BLM: variants seen among roughly 807,000 people sequenced by gnomAD.
The protein encoded by BLM is BLM RecQ like helicase.
Under a neutral mutation model 135.3 loss-of-function variants are expected in BLM, and 95 were observed. That is an observed-to-expected ratio of 0.70 (90% CI 0.59 to 0.83). The LOEUF (loss-of-function observed/expected upper bound fraction) is 0.83. Among genes scored for constraint, BLM ranks in the 40% least tolerant of loss-of-function variants. BLM has a pLI of 0.00. For synonymous variants in BLM, 520 were observed against 589.2 expected, an observed-to-expected ratio of 0.88 and a Z score of 1.70; for missense variants, 1,518 against 1,663.9, an observed-to-expected ratio of 0.91 and a Z score of 1.53.
intron 1 of BLM, among the ~76,000 whole-genome samples, chr15:90,738,493 G>A (rs969727181): frequency 1.6e-4 from 24 of 152,186 alleles, no homozygotes; most frequent in African/African-American, 4.8e-4. Flanking sequence ...AGGACCACTT[G>A]AGCCCGGGAG....
chr15:90,763,311 TA>T (rs1385958611), intron 8 of BLM, among the ~76,000 whole-genome samples, 154 bp downstream of exon 8: 7 of 152,234 alleles, frequency 4.6e-5, no homozygotes, highest in African/African-American at 1.4e-4. Flanking sequence ...TATTACTTTA[TA>T]TCCTTTGTTC....
chr15:90,748,403 C>T (rs534774644), intron 2 of BLM, among the ~76,000 whole-genome samples: 113 of 152,198 alleles, frequency 7.4e-4, no homozygotes, highest in African/African-American at 2.6e-3. Flanking sequence ...CCACCACGCC[C>T]GGCCAATTAT....
At chr15:90,783,594 A>G (rs747484637) in intron 13 of BLM, among the ~76,000 whole-genome samples, 7 of 152,170 alleles carry the variant, frequency 4.6e-5, no homozygotes, top group Non-Finnish European at 8.8e-5. Context: ...AATATAATAT[A>G]TGCTCATTAA....
rs2151198446 is a variant in BLM, at chr15:90,809,274, ATG to A, written c.3874+21_3874+22del. ...GACATCGCCAGGTTAGTACACAGCC[ATG>A]TGTGTTCTCTAAAAGCCTGTTTAAT... On this transcript the variant is annotated intron_variant, in intron 20 of 21. Transcript: ENST00000355112. 1 of 1,614,112 alleles carries A rather than the reference ATG, an allele frequency of 6.2e-7. No individual in the cohort carries two copies. Among genetic ancestry groups the A allele is most frequent in the Non-Finnish European group, 8.5e-7 (1 of 1,179,980 alleles).
At chr15:90,755,388 T>C (rs527897625) in intron 5 of BLM, 54 of 182,330 alleles carry the variant, frequency 3.0e-4, no homozygotes, top group Middle Eastern at 2.8e-3. Flanking sequence ...TTCTTGACCT[T>C]TCATCCTCCG....
In BLM at chr15:90,760,140, T is replaced by G; in HGVS notation, c.1088-7T>G. 1 of 1,610,288 alleles carries G rather than the reference T, an allele frequency of 6.2e-7. No individual in the cohort carries two copies. The highest frequency in any genetic ancestry group is 8.5e-7 in the Non-Finnish European group (1 of 1,176,752). ...AGAAAAATATTAACAACATAATTAT[T>G]TTATAGCTAGACAGATAAGTTTACA... On this transcript the variant is annotated splice_region_variant and splice_polypyrimidine_tract_variant and intron_variant, in intron 5 of 21. Transcript: ENST00000355112.
intron 9 of BLM, among the ~76,000 whole-genome samples, chr15:90,766,666 G>T: frequency 6.6e-6 from 1 of 152,048 alleles, no homozygotes; most frequent in East Asian, 1.9e-4. Context: ...GACCCCAAGT[G>T]ATCCACCTGC....
chr15:90,729,550 T>C (rs1283768253), intron 1 of BLM, among the ~76,000 whole-genome samples: 1 of 152,318 alleles, frequency 6.6e-6, no homozygotes, highest in East Asian at 1.9e-4. Context: ...CAACTTTGAG[T>C]CCTCCTGAAG....
rs35083164 is a variant in BLM, at chr15:90,792,083, CTT to C, written c.3019+1248_3019+1249del. Among the ~76,000 whole-genome samples the C allele has an allele frequency of 4.6e-4, 66 of 143,324 alleles. No homozygotes were observed. In the South Asian group the frequency reaches 0.013, roughly 28 times the overall value. The allele number at this position is 143,324 out of a possible 152,430, so 94.0% of individuals were successfully genotyped here. A position where few individuals can be genotyped will look rare whatever the true frequency, so the allele number is the denominator to read the frequency against. Reference sequence around the variant, plus strand: ...AATATATGTATTTCTTCTGAGACCACTTTTTTTTTTCTTTTTTTTTTTTTTGA... The same window carrying C: ...AATATATGTATTTCTTCTGAGACCACTTTTTTTTCTTTTTTTTTTTTTTGA... On this transcript the variant is annotated intron_variant, in intron 15 of 21. Coordinates refer to ENST00000355112, the MANE Select transcript of BLM (RefSeq NM_000057.4).
intron 6 of BLM, 68 bp downstream of exon 6, chr15:90,760,347 C>G: frequency 6.3e-7 from 1 of 1,595,900 alleles, no homozygotes; most frequent in Non-Finnish European, 8.6e-7. Flanking sequence ...GAAAAATGGA[C>G]AGGGCAAAAT....
chr15:90,795,812 C>T (rs978571147), intron 16 of BLM, among the ~76,000 whole-genome samples: 8 of 152,204 alleles, frequency 5.3e-5, no homozygotes, highest in Non-Finnish European at 1.0e-4. Context: ...GTGAATGGCA[C>T]AGCAGAGTAA....
At chr15:90,780,091 T>TC (rs1367900871) in intron 12 of BLM, among the ~76,000 whole-genome samples, 1 of 151,424 alleles carries the variant, frequency 6.6e-6, no homozygotes, top group East Asian at 1.9e-4. Context: ...CTTTTTTTTT[T>TC]TTTTTTTCTT....
At chr15:90,759,956 C>T (rs1476122720) in intron 5 of BLM, 191 bp from the exon 6 acceptor site, 2 of 305,506 alleles carry the variant, frequency 6.5e-6, no homozygotes, top group African/African-American at 2.5e-5. Flanking sequence ...GATCTTAAGA[C>T]TTTTTTTTTT....
intron 12 of BLM, among the ~76,000 whole-genome samples, chr15:90,776,523 G>T (rs1298138992): frequency 6.6e-6 from 1 of 151,878 alleles, no homozygotes; most frequent in Non-Finnish European, 1.5e-5. Context: ...TAACTTTTTT[G>T]TTGTTGTTTT....
intron 1 of BLM, among the ~76,000 whole-genome samples, chr15:90,746,203 T>C (rs543646801): frequency 6.6e-6 from 1 of 152,330 alleles, no homozygotes; most frequent in South Asian, 2.1e-4. Context: ...AGGGTGTATG[T>C]ATAGCTGAAA....
Position 90,784,959 on chromosome 15 carries a change from T to A in BLM, c.2701T>A (p.Cys901Ser). The A allele has an allele frequency of 6.2e-7, 1 of 1,614,198 alleles. No homozygotes were observed. The highest frequency in any genetic ancestry group is 8.5e-7 in the Non-Finnish European group (1 of 1,180,030). Reference protein sequence around the residue: ...GIIYCLSRRECDTMADTLQRD... With the variant: ...GIIYCLSRRESDTMADTLQRD... Reference sequence around the variant, plus strand: ...AATTTACTGCCTCTCCAGGCGAGAATGTGACACCATGGCTGACACGTTACA... The same window carrying A: ...AATTTACTGCCTCTCCAGGCGAGAAAGTGACACCATGGCTGACACGTTACA... The change falls in exon 14 of 22, where the codon TGT becomes AGT. Residue 901 changes from cysteine (C) to serine (S), a missense_variant. Transcript: ENST00000355112.
At chr15:90,762,851 G>GA in intron 7 of BLM, 115 bp from the exon 8 acceptor site, 1 of 991,140 alleles carries the variant, frequency 1.0e-6, no homozygotes, top group Non-Finnish European at 1.5e-6. Context: ...AAGAGTTTAA[G>GA]AACTGTGCTG....
intron 17 of BLM, among the ~76,000 whole-genome samples, chr15:90,799,626 TAAAAAAAA>T (rs10600094): frequency 1.8e-5 from 2 of 108,746 alleles, no homozygotes; most frequent in South Asian, 3.0e-4. Flanking sequence ...AAGATGCCTG[TAAAAAAAA>T]AAAAAAAAAA....
intron 1 of BLM, among the ~76,000 whole-genome samples, chr15:90,723,607 T>G (rs531861084): frequency 3.9e-5 from 6 of 152,258 alleles, no homozygotes; most frequent in African/African-American, 1.2e-4. Context: ...GAACTATGAT[T>G]GTGCCACTGC....
Sources: allele counts gnomAD v4.1 joint callset (sites outside exome capture counted in the v4.1 genomes callset), GRCh38; gene constraint gnomAD v4.1.1; transcripts MANE v1.5; gene names NCBI Gene and HGNC (gene_info 2026-07-23, HGNC 2026-07-21).